CRAMP1: variants seen among roughly 807,000 people sequenced by gnomAD.
The protein encoded by CRAMP1 is cramped chromatin regulator 1.
In CRAMP1, 50 loss-of-function variants were observed where a neutral mutation model predicts 115.4. The ratio of observed to expected loss-of-function variants is 0.43; its 90% CI spans 0.35 to 0.55. CRAMP1 has a LOEUF of 0.55. Ranked by LOEUF, CRAMP1 falls within the 20% of genes least tolerant of loss-of-function variation. CRAMP1 has a pLI of 0.01. For missense variants in CRAMP1, 1,679 were observed against 1,721.7 expected, an observed-to-expected ratio of 0.98 and a Z score of 0.44; for synonymous variants, 866 against 745.4, an observed-to-expected ratio of 1.16 and a Z score of -2.64.
intron 6 of CRAMP1, 145 bp from the exon 7 acceptor site, chr16:1,652,351 C>A: frequency 1.6e-6 from 1 of 635,232 alleles, no homozygotes; most frequent in Non-Finnish European, 2.8e-6. Context: ...CTGTGTCCTC[C>A]CACTGTCCTA....
intron 2 of CRAMP1, among the ~76,000 whole-genome samples, chr16:1,615,492 G>A (rs1478373717): frequency 6.6e-6 from 1 of 152,216 alleles, no homozygotes; most frequent in Non-Finnish European, 1.5e-5. Context: ...CCTGGGTTGA[G>A]AGTAGGAAGG....
rs750534881 is a variant in CRAMP1, at chr16:1,656,275, G to T, written c.1518G>T (p.Pro506=). 4 of 1,611,648 alleles carry T rather than the reference G, an allele frequency of 2.5e-6. No individual in the cohort carries two copies. The highest frequency in any genetic ancestry group is 1.7e-5 in the Admixed American group (1 of 59,982). Reference sequence around the variant, plus strand: ...GGGCTGCCCTAAGCTTGAGCAGCCCGGACGCTCCTGACAGGCCTCCTCCCA... The same window carrying T: ...GGGCTGCCCTAAGCTTGAGCAGCCCTGACGCTCCTGACAGGCCTCCTCCCA... ...GEGAALSLSS[P]DAPDRPPPRH... Residue 506 remains proline, a synonymous_variant, in exon 10 of 21, where the codon CCG becomes CCT. Coordinates refer to ENST00000397412, the MANE Select transcript of CRAMP1 (RefSeq NM_020825.4). This position sits in a 1 kb window ranked among gnomAD's most constrained non-coding sequence, Gnocchi z 5.6.
rs776750162 is a variant in CRAMP1 at position 1,670,694 on chromosome 16, A to G, written c.3530A>G (p.Lys1177Arg). Residue 1177 changes from lysine (K) to arginine (R), a missense_variant, in exon 20 of 21, where the codon AAG becomes AGG. By Grantham distance (26) the Lys-to-Arg change is conservative (BLOSUM62 2). Coordinates refer to ENST00000397412, the MANE Select transcript of CRAMP1 (RefSeq NM_020825.4). ...ASFISPEKSR[K>R]MLPTPIGTNS... The stretch of plus-strand genomic sequence containing the variant: ...TTCATCTCCCCAGAGAAGAGCCGGA[A>G]GATGTTGCCGACTCCCATTGGGACC... 9.9e-6 allele frequency: 16 copies of G among 1,613,860 alleles called. No individual in the cohort carries two copies. The highest frequency in any genetic ancestry group is 1.2e-5 in the Non-Finnish European group (14 of 1,179,882).
At chr16:1,667,443 G>A (rs748222231) in intron 17 of CRAMP1, 43 bp downstream of exon 17, 36 of 1,535,024 alleles carry the variant, frequency 2.3e-5, no homozygotes, top group Non-Finnish European at 3.0e-5. Context: ...AGCTGCCCCA[G>A]GACTCCCTCC....
chr16:1,670,535 C>T, intron 19 of CRAMP1, 129 bp from the exon 20 acceptor site: 1 of 967,582 alleles, frequency 1.0e-6, no homozygotes, highest in Non-Finnish European at 1.6e-6. Context: ...GCTCTTCGCA[C>T]AAGTCTGGAT....
rs1360945648 is a variant in CRAMP1, at chr16:1,672,848, C to T, written c.3646-1033C>T. 6.6e-6 allele frequency among the ~76,000 whole-genome samples: 1 copy of T among 152,252 alleles called. No homozygotes were observed. Among genetic ancestry groups the T allele is most frequent in the Admixed American group, 6.5e-5 (1 of 15,286 alleles). ...GCCCTCCCGTCCTCCGTCTCCTCAG[C>T]TCTGTGCTGCCTCACTCACTCTGTC... On this transcript the variant is annotated intron_variant, in intron 20 of 20. Transcript: ENST00000397412. This position sits in a 1 kb window ranked among gnomAD's most constrained non-coding sequence, Gnocchi z 4.9.
rs191452108 is a variant in CRAMP1 at position 1,671,407 on chromosome 16, C to T, written c.3645+598C>T. Among the ~76,000 whole-genome samples the T allele has an allele frequency of 2.2e-4, 34 of 152,314 alleles. No individual in the cohort carries two copies. Among genetic ancestry groups the T allele is most frequent in the African/African-American group, 7.2e-4 (30 of 41,566 alleles). Reference sequence around the variant, plus strand: ...ACTCTCCACTTTTGACGAGATGCAGCGTCCCTCTTTGTTGGCCAGGCCATC... The same window carrying T: ...ACTCTCCACTTTTGACGAGATGCAGTGTCCCTCTTTGTTGGCCAGGCCATC... On this transcript the variant is annotated intron_variant, in intron 20 of 20. Coordinates refer to ENST00000397412, the MANE Select transcript of CRAMP1 (RefSeq NM_020825.4). The surrounding 1 kb of genome is among the most constrained non-coding windows in gnomAD (Gnocchi z 5.0).
intron 10 of CRAMP1, among the ~76,000 whole-genome samples, chr16:1,658,511 C>T (rs144516755): frequency 6.6e-6 from 1 of 152,270 alleles, no homozygotes; most frequent in East Asian, 1.9e-4. Flanking sequence ...CATCCCCATC[C>T]CCTGGGAGCT....
rs370547778 is a variant in CRAMP1 at position 1,665,119 on chromosome 16, G to A, written c.2733G>A (p.Leu911=). The change falls in exon 14 of 21, where the codon CTG becomes CTA. Residue 911 remains leucine (L), a synonymous_variant. Coordinates refer to ENST00000397412, the MANE Select transcript of CRAMP1 (RefSeq NM_020825.4). ...QSHNVCSFSI[L]SNSSVTGRGS... ...ACAACGTTTGTTCCTTCTCCATCCT[G>A]TCTAACTCTTCCGTAACTGGTAAGG... The A allele has an allele frequency of 3.1e-6, 5 of 1,611,984 alleles. No homozygotes were observed. Among genetic ancestry groups the A allele is most frequent in the Non-Finnish European group, 4.2e-6 (5 of 1,178,212 alleles).
chr16:1,657,124 G>C, intron 10 of CRAMP1, 132 bp downstream of exon 10: 2 of 847,650 alleles, frequency 2.4e-6, no homozygotes, highest in East Asian at 2.8e-5. Flanking sequence ...CTGTGGCAGG[G>C]GGCCAGGAGC....
chr16:1,656,605 C>A lies in CRAMP1; in HGVS notation c.1848C>A (p.Ser616=). The change falls in exon 10 of 21, where the codon TCC becomes TCA. Residue 616 remains serine, a synonymous_variant. Coordinates refer to ENST00000397412, the MANE Select transcript of CRAMP1 (RefSeq NM_020825.4). The surrounding 1 kb of genome is among the most constrained non-coding windows in gnomAD (Gnocchi z 5.6). ...CTGACCTTGCTCCCACTGGCCCATCCCCGAGGCCCGGCCCCGGGCTCCTGC... is the reference window on the plus strand; with the variant it reads ...CTGACCTTGCTCCCACTGGCCCATCACCGAGGCCCGGCCCCGGGCTCCTGC... ...EAADLAPTGP[S]PRPGPGLLLD... is the part of the protein sequence containing the mutation. The A allele has an allele frequency of 6.4e-7, 1 of 1,572,368 alleles. No homozygotes were observed. Among genetic ancestry groups the A allele is most frequent in the East Asian group, 2.4e-5 (1 of 42,368 alleles).
At chr16:1,633,183 GTCCT>G (rs1408178668) in intron 4 of CRAMP1, among the ~76,000 whole-genome samples, 1 of 152,206 alleles carries the variant, frequency 6.6e-6, no homozygotes, top group African/African-American at 2.4e-5. Flanking sequence ...GTGACCTAAA[GTCCT>G]TCGCCTTGGC....
rs1323340769 is a variant in CRAMP1 at position 1,677,096 on chromosome 16, C to G, written c.*3051C>G. On this transcript the variant is annotated 3_prime_UTR_variant, in exon 21 of 21. Transcript: ENST00000397412. ...AGACAGTTGTGTTTTCTCTTTAAACCTTGAGCTCTAGCCGATGCATTTGTC... is the reference window on the plus strand; with the variant it reads ...AGACAGTTGTGTTTTCTCTTTAAACGTTGAGCTCTAGCCGATGCATTTGTC... The G allele has an allele frequency of 6.6e-6, 1 of 152,262 alleles. No homozygotes were observed. Among genetic ancestry groups the G allele is most frequent in the Non-Finnish European group, 1.5e-5 (1 of 68,048 alleles). 9.4% of individuals were successfully genotyped at this position (152,262 alleles called of 1,614,324 possible).
At chr16:1,665,166 G>T in intron 14 of CRAMP1, 28 bp downstream of exon 14, 4 of 1,465,132 alleles carry the variant, frequency 2.7e-6, no homozygotes, top group Non-Finnish European at 3.8e-6. Flanking sequence ...TTCTGGGGTA[G>T]CTTGTCCCTC....
intron 6 of CRAMP1, among the ~76,000 whole-genome samples, chr16:1,650,308 C>T (rs558212338): frequency 1.3e-5 from 2 of 152,352 alleles, no homozygotes; most frequent in African/African-American, 4.8e-5. Flanking sequence ...TAGACGCCCT[C>T]AGCAGAGGCT....
intron 6 of CRAMP1, among the ~76,000 whole-genome samples, chr16:1,651,444 CAG>C (rs1197536001): frequency 2.1e-5 from 3 of 145,872 alleles, no homozygotes; most frequent in African/African-American, 5.2e-5. Context: ...AATTGTCACA[CAG>C]AGGTCATGTT....
At chr16:1,616,981 A>ATT (rs547298817) in intron 2 of CRAMP1, among the ~76,000 whole-genome samples, 3,130 of 137,612 alleles carry the variant, frequency 0.023, 137 homozygotes, top group African/African-American at 0.079. Context: ...CACCCAGCTA[A>ATT]TTTTTTTTTT....
In CRAMP1 at chr16:1,676,976, TAATAGC is replaced by T. The variant is rs1415181555; in HGVS notation, c.*2933_*2938del. On this transcript the variant is annotated 3_prime_UTR_variant, in exon 21 of 21. Transcript: ENST00000397412. Reference sequence around the variant, plus strand: ...TTTCTGGTGGATAACCTTTTTAGTTTAATAGCATCTTTAATTAGATCACAGCATTGA... The same window carrying T: ...TTTCTGGTGGATAACCTTTTTAGTTTATCTTTAATTAGATCACAGCATTGA... 6.6e-6 allele frequency: 1 copy of T among 152,456 alleles called. No homozygotes were observed. Among genetic ancestry groups the T allele is most frequent in the Non-Finnish European group, 1.5e-5 (1 of 68,040 alleles). The allele number at this position is 152,456 out of a possible 1,614,324, so 9.4% of individuals were successfully genotyped here.
rs1035444534 is a variant in CRAMP1, at chr16:1,659,851, G to C, written c.2236-35G>C. ...ACGCAAGAGCCATTTCTCATGTGCTGAGTTTGGACATTGTTTGGCCCATTT... is the reference window on the plus strand; with the variant it reads ...ACGCAAGAGCCATTTCTCATGTGCTCAGTTTGGACATTGTTTGGCCCATTT... On this transcript the variant is annotated intron_variant, in intron 10 of 20. Transcript: ENST00000397412. 20 of 1,602,996 alleles carry C rather than the reference G, an allele frequency of 1.2e-5. No individual in the cohort carries two copies. In the Admixed American group the frequency reaches 1.7e-4, roughly 13 times the overall value.
Sources: allele counts gnomAD v4.1 joint callset (sites outside exome capture counted in the v4.1 genomes callset), GRCh38; gene constraint gnomAD v4.1.1; non-coding constraint Gnocchi (gnomAD v3.1); transcripts MANE v1.5; gene names NCBI Gene and HGNC (gene_info 2026-07-23, HGNC 2026-07-21).